LYPD6B: variants seen among roughly 807,000 people sequenced by gnomAD.
LYPD6B encodes ly6/PLAUR domain-containing protein 6B.
Under a neutral mutation model 22.8 loss-of-function variants are expected in LYPD6B, and 17 were observed. The ratio of observed to expected loss-of-function variants is 0.75; its 90% CI spans 0.51 to 1.12. LYPD6B has a LOEUF of 1.12. Ranked by LOEUF, LYPD6B falls within the 50% of genes most tolerant of loss-of-function variation. LYPD6B has a pLI of 0.00. For synonymous variants in LYPD6B, 106 were observed against 91.6 expected, an observed-to-expected ratio of 1.16 and a Z score of -0.90; for missense variants, 221 against 258.3, an observed-to-expected ratio of 0.86 and a Z score of 0.99.
intron 3 of LYPD6B, among the ~76,000 whole-genome samples, chr2:149,187,797 T>C (rs149222609): frequency 3.2e-4 from 48 of 152,376 alleles, no homozygotes; most frequent in Middle Eastern, 3.4e-3. Context: ...AAAATTTGTG[T>C]TTGGCCGCAT....
intron 1 of LYPD6B, among the ~76,000 whole-genome samples, chr2:149,104,193 A>T (rs1363660668): frequency 1.3e-5 from 2 of 152,208 alleles, no homozygotes; most frequent in Admixed American, 6.5e-5. Flanking sequence ...TTGAGCTATT[A>T]CAAAGAAAGC....
chr2:149,160,891 A>C, intron 3 of LYPD6B, 56 bp downstream of exon 3: 1 of 1,311,994 alleles, frequency 7.6e-7, no homozygotes, highest in South Asian at 1.3e-5. Flanking sequence ...AGCTCTGGTT[A>C]AGTTGTTGGG....
At chr2:149,099,508 C>T (rs1686089086) in intron 1 of LYPD6B, among the ~76,000 whole-genome samples, 1 of 129,794 alleles carries the variant, frequency 7.7e-6, no homozygotes, top group South Asian at 2.6e-4. Flanking sequence ...CAGCAGGAGG[C>T]AATCCGTGTT....
intron 1 of LYPD6B, among the ~76,000 whole-genome samples, chr2:149,040,988 G>A (rs537805802): frequency 2.2e-4 from 33 of 151,906 alleles, no homozygotes; most frequent in Non-Finnish European, 3.5e-4. Context: ...GGATAACATC[G>A]TCTAGGACTC....
intron 5 of LYPD6B, among the ~76,000 whole-genome samples, chr2:149,210,207 G>A (rs1266231862): frequency 1.3e-5 from 2 of 152,162 alleles, no homozygotes; most frequent in African/African-American, 4.8e-5. Flanking sequence ...TAGCATGCAG[G>A]CAAAGAAGAT....
intron 1 of LYPD6B, among the ~76,000 whole-genome samples, chr2:149,072,447 G>A (rs1684653587): frequency 6.6e-6 from 1 of 151,722 alleles, no homozygotes; most frequent in African/African-American, 2.4e-5. Flanking sequence ...TGCTATGAAG[G>A]ATAACACAGG....
intron 2 of LYPD6B, among the ~76,000 whole-genome samples, chr2:149,159,954 C>T (rs1290213596): frequency 6.6e-6 from 1 of 152,092 alleles, no homozygotes; most frequent in African/African-American, 2.4e-5. Flanking sequence ...TCTGACCAAA[C>T]AGCGGGCCAC....
chr2:149,141,416 C>A (rs1386315745), intron 2 of LYPD6B, among the ~76,000 whole-genome samples: 1 of 152,088 alleles, frequency 6.6e-6, no homozygotes, highest in Admixed American at 6.6e-5. Flanking sequence ...TATTTTCTAT[C>A]ATTTTGTTCT....
chr2:149,039,120 CG>C (rs1038959964), intron 1 of LYPD6B, among the ~76,000 whole-genome samples: 2 of 152,192 alleles, frequency 1.3e-5, no homozygotes, highest in Non-Finnish European at 2.9e-5. Flanking sequence ...CCAGTGACTT[CG>C]GCAGAGCCGA....
intron 3 of LYPD6B, among the ~76,000 whole-genome samples, chr2:149,189,453 T>C (rs1692357321): frequency 6.6e-6 from 1 of 150,436 alleles, no homozygotes; most frequent in South Asian, 2.1e-4. Flanking sequence ...CAATTATGTG[T>C]TTTTAATCTT....
intron 1 of LYPD6B, among the ~76,000 whole-genome samples, chr2:149,042,669 G>T (rs1683135871): frequency 6.6e-6 from 1 of 152,122 alleles, no homozygotes; most frequent in African/African-American, 2.4e-5. Context: ...TCTACTAGAT[G>T]GAGACATTTA....
chr2:149,058,898 G>A (rs889751184), intron 1 of LYPD6B, among the ~76,000 whole-genome samples: 2 of 152,240 alleles, frequency 1.3e-5, no homozygotes, highest in East Asian at 3.8e-4. Flanking sequence ...GGGATTACAG[G>A]CATGAGCCAC....
At chr2:149,162,916 G>A (rs183502414) in intron 3 of LYPD6B, among the ~76,000 whole-genome samples, 10 of 152,224 alleles carry the variant, frequency 6.6e-5, no homozygotes, top group Non-Finnish European at 1.3e-4. Flanking sequence ...TTGCTCCTAC[G>A]TGATAAGTGC....
chr2:149,174,573 A>T (rs551211362), intron 3 of LYPD6B, among the ~76,000 whole-genome samples: 16 of 152,058 alleles, frequency 1.1e-4, no homozygotes, highest in Non-Finnish European at 2.1e-4. Context: ...TACCTAGTTT[A>T]TTGAGAGTTT....
chr2:149,091,490 G>A (rs1685648764), intron 1 of LYPD6B, among the ~76,000 whole-genome samples: 1 of 151,924 alleles, frequency 6.6e-6, no homozygotes, highest in Non-Finnish European at 1.5e-5. Flanking sequence ...TTAGTGTCAG[G>A]TCTTTGGTAT....
At chr2:149,114,636 G>A (rs1686915292) in intron 1 of LYPD6B, among the ~76,000 whole-genome samples, 1 of 152,194 alleles carries the variant, frequency 6.6e-6, no homozygotes, top group South Asian at 2.1e-4. Context: ...GCAGAGACAG[G>A]AGATTCAAGT....
chr2:149,160,645 T>C, intron 2 of LYPD6B, 119 bp from the exon 3 acceptor site: 1 of 733,888 alleles, frequency 1.4e-6, no homozygotes. Context: ...TGCTGTTCTA[T>C]TCTGAAACAT....
intron 1 of LYPD6B, among the ~76,000 whole-genome samples, chr2:149,054,729 A>G (rs1428601944): frequency 6.6e-6 from 1 of 152,128 alleles, no homozygotes; most frequent in Admixed American, 6.5e-5. Flanking sequence ...AAAAAATAAA[A>G]TTAGCTGGGC....
chr2:149,068,359 A>G (rs187575819), intron 1 of LYPD6B, among the ~76,000 whole-genome samples: 1 of 152,286 alleles, frequency 6.6e-6, no homozygotes, highest in Admixed American at 6.5e-5. Flanking sequence ...GATACAACTT[A>G]CCATTGAGAG....
Sources: allele counts gnomAD v4.1 joint callset (sites outside exome capture counted in the v4.1 genomes callset), GRCh38; gene constraint gnomAD v4.1.1; transcripts MANE v1.5; gene names NCBI Gene and HGNC (gene_info 2026-07-23, HGNC 2026-07-21).